Variants in CNNM2 observed in about 807,000 individuals in gnomAD.
CNNM2 encodes the protein cyclin and CBS domain divalent metal cation transport mediator 2.
A neutral mutation model predicts 66.9 loss-of-function variants in CNNM2; 12 were observed. The ratio of observed to expected loss-of-function variants is 0.18; its 90% CI spans 0.11 to 0.29. The LOEUF (loss-of-function observed/expected upper bound fraction) is 0.29, where lower values mean the gene tolerates loss of function less well. CNNM2 is among the 10% of genes least tolerant of loss of function. The probability of loss-of-function intolerance (pLI) is 1.00; values close to 1 mark genes in which losing one functional copy is unlikely to be tolerated. For missense variants in CNNM2, 705 were observed against 1,167.7 expected, an observed-to-expected ratio of 0.60 and a Z score of 5.77; for synonymous variants, 557 against 501.8, an observed-to-expected ratio of 1.11 and a Z score of -1.47.
chr10:102,922,944 A>AT (rs1322317127), intron 1 of CNNM2, among the ~76,000 whole-genome samples: 8 of 151,980 alleles, frequency 5.3e-5, no homozygotes, highest in Admixed American at 4.6e-4. Context: ...TCTCAAAAAA[A>AT]AAAAAAAAAA....
At chr10:102,925,778 T>A (rs1347829617) in intron 1 of CNNM2, among the ~76,000 whole-genome samples, 1 of 152,238 alleles carries the variant, frequency 6.6e-6, no homozygotes, top group Non-Finnish European at 1.5e-5. Context: ...AAGCATTTTA[T>A]TATATAGAAA....
At chr10:103,072,409 G>A (rs1443919347) in intron 6 of CNNM2, among the ~76,000 whole-genome samples, 1 of 152,120 alleles carries the variant, frequency 6.6e-6, no homozygotes. Flanking sequence ...CCAGGCAGGC[G>A]GCCCTACTTC....
Position 103,071,749 on chromosome 10 carries a change from C to T in CNNM2, c.2168-25C>T, listed in dbSNP as rs369583283. On this transcript the variant is annotated intron_variant, in intron 5 of 7. Transcript: ENST00000369878. ...CTGTTCTTGCCTTTTGATGCGATCT[C>T]ACCCTGTTTTTCTCCATTTTTCAGT... 1.2e-5 allele frequency: 19 copies of T among 1,600,806 alleles called. No individual in the cohort carries two copies. In the African/African-American group the frequency reaches 2.5e-4, roughly 21 times the overall value.
At chr10:102,951,640 C>A (rs202010619) in intron 1 of CNNM2, among the ~76,000 whole-genome samples, 4 of 129,460 alleles carry the variant, frequency 3.1e-5, no homozygotes, top group Admixed American at 3.1e-4. Context: ...TTTTTTTTTT[C>A]TTTTTTTTTT....
intron 4 of CNNM2, among the ~76,000 whole-genome samples, chr10:103,067,152 G>T (rs1282742909): frequency 6.7e-6 from 1 of 150,154 alleles, no homozygotes; most frequent in Admixed American, 6.6e-5. Flanking sequence ...GGGCTGGAGT[G>T]CAGTGGCGTG....
Position 103,089,336 on chromosome 10 carries a change from CTT to C in CNNM2, c.*12158_*12159del, listed in dbSNP as rs957519847. 1 of 255,870 alleles carries C rather than the reference CTT, an allele frequency of 3.9e-6. No homozygotes were observed. Among genetic ancestry groups the C allele is most frequent in the African/African-American group, 2.2e-5 (1 of 45,960 alleles). 15.8% of individuals were successfully genotyped at this position (255,870 alleles called of 1,614,324 possible). On this transcript the variant is annotated 3_prime_UTR_variant, in exon 8 of 8. Coordinates refer to ENST00000369878, the MANE Select transcript of CNNM2 (RefSeq NM_017649.5). ...CCACTCTTTGTTCCACTCTGAGACT[CTT>C]TCCTTTTCCTCGTGTATCCAGATAC... is the stretch of plus-strand genomic sequence containing the variant.
intron 1 of CNNM2, among the ~76,000 whole-genome samples, chr10:102,974,060 G>T (rs143236918): frequency 6.6e-6 from 1 of 152,332 alleles, no homozygotes; most frequent in African/African-American, 2.4e-5. Flanking sequence ...AGGCATTGAC[G>T]TCCTTGGGAA....
chr10:102,980,125 G>A (rs948638499), intron 1 of CNNM2, among the ~76,000 whole-genome samples: 3 of 151,818 alleles, frequency 2.0e-5, no homozygotes, highest in African/African-American at 7.3e-5. Context: ...CATGTTGGCA[G>A]GCTGGTCTCA....
In CNNM2 at chr10:102,918,822, G is replaced by T. The variant is rs375416482; in HGVS notation, c.342G>T (p.Thr114=). The T allele has an allele frequency of 2.4e-4, 382 of 1,595,592 alleles. 2 individuals carry two copies. The East Asian group carries it at 5.2e-3, about 22-fold the overall frequency. ...RVYGQNINNE[T]WSRIAFTEHE... ...ACGGGCAGAACATCAATAACGAGAC[G>T]TGGTCCCGCATCGCCTTCACCGAGC... is the stretch of plus-strand genomic sequence containing the variant. The change falls in exon 1 of 8, where the codon ACG becomes ACT. Residue 114 remains threonine (T), a synonymous_variant. Coordinates refer to ENST00000369878, the MANE Select transcript of CNNM2 (RefSeq NM_017649.5). This position sits in a 1 kb window ranked among gnomAD's most constrained non-coding sequence, Gnocchi z 4.1.
intron 1 of CNNM2, among the ~76,000 whole-genome samples, chr10:102,924,635 T>TA (rs1315420886): frequency 1.4e-4 from 21 of 151,288 alleles, no homozygotes; most frequent in East Asian, 1.2e-3. Context: ...TTTTTTTTTT[T>TA]AATTATTTTA....
At chr10:103,027,351 CTGTTTCTTCACAG>C (rs1449444637) in intron 1 of CNNM2, 2 of 152,232 alleles carry the variant, frequency 1.3e-5, no homozygotes, top group Non-Finnish European at 2.9e-5. Flanking sequence ...CTGAAGTCTT[CTGTTTCTTCACAG>C]AGGAAATATG....
intron 1 of CNNM2, among the ~76,000 whole-genome samples, chr10:102,980,983 C>T (rs1195375604): frequency 6.6e-6 from 1 of 152,148 alleles, no homozygotes; most frequent in Non-Finnish European, 1.5e-5. Flanking sequence ...TTCGGAAGCA[C>T]ATCTCCTAGA....
At chr10:103,024,094 A>G (rs973307231) in intron 1 of CNNM2, among the ~76,000 whole-genome samples, 3 of 152,164 alleles carry the variant, frequency 2.0e-5, no homozygotes, top group African/African-American at 7.2e-5. Context: ...TGTCATTTGT[A>G]GTTGGTTTTC....
At chr10:102,987,978 A>T (rs934777496) in intron 1 of CNNM2, among the ~76,000 whole-genome samples, 1 of 152,180 alleles carries the variant, frequency 6.6e-6, no homozygotes, top group Non-Finnish European at 1.5e-5. Context: ...AATCAGCTGT[A>T]TGCACCACGC....
intron 1 of CNNM2, among the ~76,000 whole-genome samples, chr10:103,045,669 G>C (rs1288185983): frequency 1.3e-5 from 2 of 150,020 alleles, no homozygotes; most frequent in Non-Finnish European, 2.9e-5. Flanking sequence ...GAAGTTTCCA[G>C]ATAATGCCTA....
intron 2 of CNNM2, among the ~76,000 whole-genome samples, chr10:103,052,445 G>A (rs535835796): frequency 3.3e-5 from 5 of 151,964 alleles, no homozygotes; most frequent in South Asian, 2.1e-4. Flanking sequence ...GCCTTGATTG[G>A]ACTGATCTCA....
At chr10:103,043,343 G>A (rs555144655) in intron 1 of CNNM2, among the ~76,000 whole-genome samples, 1 of 152,044 alleles carries the variant, frequency 6.6e-6, no homozygotes, top group African/African-American at 2.4e-5. Context: ...CCATTCCATC[G>A]ACTTTCTTCC....
intron 1 of CNNM2, among the ~76,000 whole-genome samples, chr10:102,990,704 A>C (rs140368649): frequency 1.2e-4 from 19 of 152,294 alleles, no homozygotes; most frequent in African/African-American, 3.8e-4. Context: ...TTTGTAACAG[A>C]GTGAAGCGAT....
At chr10:102,988,345 A>AGG (rs929868252) in intron 1 of CNNM2, among the ~76,000 whole-genome samples, 1 of 152,114 alleles carries the variant, frequency 6.6e-6, no homozygotes, top group Non-Finnish European at 1.5e-5. Context: ...GGACAAAGAT[A>AGG]GGGTCTCAAG....
Sources: gnomAD v4.1 joint callset for allele counts (sites outside exome capture counted in the v4.1 genomes callset) on GRCh38, gnomAD v4.1.1 for gene constraint, Gnocchi (gnomAD v3.1) non-coding constraint, MANE v1.5 for transcripts, NCBI Gene and HGNC (gene_info 2026-07-23, HGNC 2026-07-21) for gene names.